The following SETD1A variants were observed in gnomAD, a reference collection of about 807,000 sequenced individuals.
The protein encoded by SETD1A is SET domain containing 1A, histone lysine methyltransferase, also known as histone-lysine N-methyltransferase SETD1A.
In SETD1A, 29 loss-of-function variants were observed where a neutral mutation model predicts 149.9. That is an observed-to-expected ratio of 0.19 (90% CI 0.14 to 0.26). The LOEUF (loss-of-function observed/expected upper bound fraction) is 0.26, where lower values mean the gene tolerates loss of function less well. Ranked by LOEUF, SETD1A falls within the 10% of genes least tolerant of loss-of-function variation. The probability of loss-of-function intolerance (pLI) is 1.00; values close to 1 mark genes in which losing one functional copy is unlikely to be tolerated. For missense variants in SETD1A, 2,109 were observed against 2,353.1 expected, an observed-to-expected ratio of 0.90 and a Z score of 2.15; for synonymous variants, 1,141 against 968.5, an observed-to-expected ratio of 1.18 and a Z score of -3.31.
At chr16:30,975,678 A>C (rs1055910280) in intron 13 of SETD1A, among the ~76,000 whole-genome samples, 5 of 151,534 alleles carry the variant, frequency 3.3e-5, no homozygotes, top group Non-Finnish European at 7.4e-5. Flanking sequence ...TTATCAGCCC[A>C]CTTTGGCCTC....
intron 10 of SETD1A, among the ~76,000 whole-genome samples, chr16:30,968,559 T>C (rs1054722270): frequency 9.9e-5 from 15 of 151,712 alleles, no homozygotes; most frequent in African/African-American, 2.9e-4. Context: ...TCCCAGCACT[T>C]TGGGAGGCCG....
chr16:30,964,848 A>G lies in SETD1A; in HGVS notation c.1106A>G (p.Tyr369Cys). 6.2e-7 allele frequency: 1 copy of G among 1,614,150 alleles called. No homozygotes were observed. The change falls in exon 7 of 19, where the codon TAT (tyrosine) becomes TGT (cysteine). Residue 369 changes from tyrosine (Y) to cysteine (C), a missense_variant. Tyr to Cys is a radical substitution (Grantham distance 194). This residue lies in a region of SETD1A where 410 missense variants were observed against 394.8 expected (regional missense o/e 1.04). Transcript: ENST00000262519. ...FRSSDANYPA[Y>C]YESWNRYQRH... is the part of the protein sequence containing the mutation. Reference sequence around the variant, plus strand: ...AGTTCTGATGCAAACTACCCAGCGTATTATGAAAGCTGGAATCGCTACCAG... The same window carrying G: ...AGTTCTGATGCAAACTACCCAGCGTGTTATGAAAGCTGGAATCGCTACCAG...
At chr16:30,963,991 CAAAAA>C in intron 5 of SETD1A, 98 bp from the exon 6 acceptor site, 1 of 803,652 alleles carries the variant, frequency 1.2e-6, no homozygotes, top group Non-Finnish European at 1.9e-6. Context: ...GACTCCGTCT[CAAAAA>C]AAAAAAAAGG....
chr16:30,979,878 G>C lies in SETD1A; in HGVS notation c.4092G>C (p.Glu1364Asp), dbSNP rs1315530894. 2.6e-6 allele frequency: 4 copies of C among 1,535,042 alleles called. No homozygotes were observed. The highest frequency in any genetic ancestry group is 2.6e-6 in the Non-Finnish European group (3 of 1,146,508). Reference protein sequence around the residue: ...LQQQREEGEEEGEEEGEEEEE... With the variant: ...LQQQREEGEEDGEEEGEEEEE... ...AGCAGCGGGAGGAGGGCGAAGAGGAGGGGGAGGAAGAGGGGGAGGAAGAGG... is the reference window on the plus strand; with the variant it reads ...AGCAGCGGGAGGAGGGCGAAGAGGACGGGGAGGAAGAGGGGGAGGAAGAGG... The change falls in exon 14 of 19, where the codon GAG (glutamate) becomes GAC (aspartate). Residue 1364 changes from glutamate to aspartate, a missense_variant. Transcript: ENST00000262519.
At chr16:30,963,611 C>G in intron 5 of SETD1A, 57 bp downstream of exon 5, 3 of 1,555,954 alleles carry the variant, frequency 1.9e-6, no homozygotes, top group Non-Finnish European at 2.6e-6. Flanking sequence ...GTCCGGGTGC[C>G]CGGAGCAGGA....
chr16:30,958,793 A>G lies in SETD1A; in HGVS notation c.62A>G (p.Lys21Arg), dbSNP rs2056003893. Residue 21 changes from lysine (K) to arginine (R), a missense_variant, in exon 2 of 19, where the codon AAG becomes AGG. Coordinates refer to ENST00000262519, the MANE Select transcript of SETD1A (RefSeq NM_014712.3). ...KAPSFQWRNY[K>R]LIVDPALDPA... is the part of the protein sequence containing the mutation. Reference sequence around the variant, plus strand: ...CCGAGCTTCCAGTGGCGGAACTACAAGCTCATCGTGGATCCTGCCTTGGAC... The same window carrying G: ...CCGAGCTTCCAGTGGCGGAACTACAGGCTCATCGTGGATCCTGCCTTGGAC... The G allele has an allele frequency of 6.2e-7, 1 of 1,614,172 alleles. No individual in the cohort carries two copies. Among genetic ancestry groups the G allele is most frequent in the Non-Finnish European group, 8.5e-7 (1 of 1,179,998 alleles).
chr16:30,979,939 G>A lies in SETD1A; in HGVS notation c.4153G>A (p.Gly1385Arg), dbSNP rs1189419893. ...ESSDSSSSSD[G>R]EGALRRRSLR... is the part of the protein sequence containing the mutation. Reference sequence around the variant, plus strand: ...CTCTGACAGCAGCAGCAGCAGCGATGGGGAGGGCGCCCTCCGGAGGCGCAG... The same window carrying A: ...CTCTGACAGCAGCAGCAGCAGCGATAGGGAGGGCGCCCTCCGGAGGCGCAG... Residue 1385 changes from glycine (G) to arginine (R), a missense_variant, in exon 14 of 19, where the codon GGG becomes AGG. Physicochemically the swap from Gly to Arg is moderately radical, Grantham distance 125. Coordinates refer to ENST00000262519, the MANE Select transcript of SETD1A (RefSeq NM_014712.3). 6.5e-7 allele frequency: 1 copy of A among 1,534,526 alleles called. No individual in the cohort carries two copies. The highest frequency in any genetic ancestry group is 8.7e-7 in the Non-Finnish European group (1 of 1,145,108).
chr16:30,979,758 C>T lies in SETD1A; in HGVS notation c.3972C>T (p.Pro1324=), dbSNP rs1307546413. ...GGCCCCCGGAGCCAGTGCCCGCACC[C>T]GCCGCCCTCTTCAGTTCCCCAGCTG... ...ALRPPEPVPA[P]AALFSSPADE... Residue 1324 remains proline (P), a synonymous_variant, in exon 14 of 19, where the codon CCC becomes CCT. Coordinates refer to ENST00000262519, the MANE Select transcript of SETD1A (RefSeq NM_014712.3). 1.4e-5 allele frequency: 23 copies of T among 1,596,484 alleles called. No homozygotes were observed. The highest frequency in any genetic ancestry group is 4.5e-5 in the East Asian group (2 of 44,758).
chr16:30,980,221 C>G lies in SETD1A; in HGVS notation c.4408+27C>G, dbSNP rs182910672. The G allele has an allele frequency of 4.5e-6, 7 of 1,571,134 alleles. No individual in the cohort carries two copies. Among genetic ancestry groups the G allele is most frequent in the African/African-American group, 1.3e-5 (1 of 74,134 alleles). On this transcript the variant is annotated intron_variant, in intron 14 of 18. Coordinates refer to ENST00000262519, the MANE Select transcript of SETD1A (RefSeq NM_014712.3). The surrounding 1 kb of genome is among the most constrained non-coding windows in gnomAD (Gnocchi z 7.7). ...TATCCTGAGTGTGGGCGGCCTTCCC[C>G]GGGCTTGGGTCCTCCCCCGACCCCT...
intron 2 of SETD1A, 90 bp downstream of exon 2, chr16:30,958,971 T>TTC: frequency 6.5e-7 from 1 of 1,538,650 alleles, no homozygotes; most frequent in African/African-American, 1.4e-5. Context: ...GTAGCCTGCC[T>TTC]TCTTGAAAGT....
In SETD1A at chr16:30,980,550, G is replaced by A; in HGVS notation, c.4474G>A (p.Gly1492Ser). The A allele has an allele frequency of 6.2e-7, 1 of 1,614,192 alleles. No individual in the cohort carries two copies. Among genetic ancestry groups the A allele is most frequent in the Non-Finnish European group, 8.5e-7 (1 of 1,180,040 alleles). Residue 1492 changes from glycine to serine, a missense_variant, in exon 15 of 19, where the codon GGC (glycine) becomes AGC (serine). By Grantham distance (56) the Gly-to-Ser change is moderately conservative. Around this residue, in one of 8 missense-constraint regions of SETD1A, gnomAD observed 254 missense variants for 409.3 expected, o/e 0.62. Coordinates refer to ENST00000262519, the MANE Select transcript of SETD1A (RefSeq NM_014712.3). The surrounding 1 kb of genome is among the most constrained non-coding windows in gnomAD (Gnocchi z 7.7). Reference sequence around the variant, plus strand: ...GGATGGGCCCCGGGAGCACCAGACAGGCTCAGCCCGCAGCGAAGGCTACTA... The same window carrying A: ...GGATGGGCCCCGGGAGCACCAGACAAGCTCAGCCCGCAGCGAAGGCTACTA... The part of the protein sequence containing the change: ...PQDGPREHQT[G>S]SARSEGYYPI...
At chr16:30,978,204 G>A (rs2056310026) in intron 13 of SETD1A, among the ~76,000 whole-genome samples, 1 of 151,426 alleles carries the variant, frequency 6.6e-6, no homozygotes, top group African/African-American at 2.4e-5. Flanking sequence ...AACCCGGGAG[G>A]CGGAGGTTGC....
intron 3 of SETD1A, among the ~76,000 whole-genome samples, chr16:30,960,915 G>A (rs1162642441): frequency 6.7e-6 from 1 of 148,912 alleles, no homozygotes; most frequent in Non-Finnish European, 1.5e-5. Flanking sequence ...TTTTTTTTTT[G>A]TATTTTTAGT....
Position 30,984,039 on chromosome 16 carries a change from G to A in SETD1A, c.*16G>A, listed in dbSNP as rs768810505. The A allele has an allele frequency of 1.9e-6, 3 of 1,605,572 alleles. No individual in the cohort carries two copies. The highest frequency in any genetic ancestry group is 1.1e-5 in the South Asian group (1 of 89,944). ...CCTAAACTGAGGTGGGGCAGGATGGGTGCCCACACCCCTATTTATTCCCCC... is the reference window on the plus strand; with the variant it reads ...CCTAAACTGAGGTGGGGCAGGATGGATGCCCACACCCCTATTTATTCCCCC... On this transcript the variant is annotated 3_prime_UTR_variant, in exon 19 of 19. Transcript: ENST00000262519.
At chr16:30,982,965 T>G (rs2056400600) in intron 17 of SETD1A, among the ~76,000 whole-genome samples, 1 of 152,008 alleles carries the variant, frequency 6.6e-6, no homozygotes, top group Non-Finnish European at 1.5e-5. Context: ...TCTGGACATG[T>G]GGGGTTGCAA....
chr16:30,982,891 A>G (rs2056399240), intron 17 of SETD1A, among the ~76,000 whole-genome samples: 2 of 152,078 alleles, frequency 1.3e-5, no homozygotes, highest in Non-Finnish European at 2.9e-5. Context: ...TGGGAGTATG[A>G]TGGGAGGGCC....
intron 13 of SETD1A, among the ~76,000 whole-genome samples, chr16:30,973,399 T>G (rs931300311): frequency 2.0e-5 from 3 of 152,060 alleles, no homozygotes; most frequent in Non-Finnish European, 4.4e-5. Context: ...GTTCAAGATG[T>G]GCTATGAGCT....
intron 13 of SETD1A, among the ~76,000 whole-genome samples, chr16:30,972,173 G>A (rs192796244): frequency 2.9e-4 from 44 of 152,238 alleles, no homozygotes; most frequent in Admixed American, 2.1e-3. Flanking sequence ...TAGCACATTC[G>A]CATAGCTTAG....
chr16:30,980,024 G>T lies in SETD1A; in HGVS notation c.4238G>T (p.Arg1413Leu). 8.8e-6 allele frequency: 6 copies of T among 679,902 alleles called. No individual in the cohort carries two copies. Among genetic ancestry groups the T allele is most frequent in the Non-Finnish European group, 1.3e-5 (6 of 466,284 alleles). 42.1% of individuals were successfully genotyped at this position (679,902 alleles called of 1,614,324 possible). Reference sequence around the variant, plus strand: ...CCCCCACCCCCGCCGCCACCGCCCCGCGCCTACGAGCCACGCAGTGAGTTT... The same window carrying T: ...CCCCCACCCCCGCCGCCACCGCCCCTCGCCTACGAGCCACGCAGTGAGTTT... ...PPPPPPPPPP[R>L]AYEPRSEFEQ... Residue 1413 changes from arginine (R) to leucine (L), a missense_variant, in exon 14 of 19, where the codon CGC (arginine) becomes CTC (leucine). Coordinates refer to ENST00000262519, the MANE Select transcript of SETD1A (RefSeq NM_014712.3). The surrounding 1 kb of genome is among the most constrained non-coding windows in gnomAD (Gnocchi z 7.7).
Sources: gnomAD v4.1 joint callset for allele counts (sites outside exome capture counted in the v4.1 genomes callset) on GRCh38, gnomAD v4.1.1 for gene constraint, gnomAD v4.1.1 regional missense constraint, Gnocchi (gnomAD v3.1) non-coding constraint, MANE v1.5 for transcripts, NCBI Gene and HGNC (gene_info 2026-07-23, HGNC 2026-07-21) for gene names.